Variants in RBM39 observed in about 807,000 individuals in gnomAD.
The protein encoded by RBM39 is RNA binding motif protein 39, also known as RNA-binding protein 39.
RBM39 carries 12 observed loss-of-function variants against 79.6 expected under a neutral mutation model. That is an observed-to-expected ratio of 0.15 (90% CI 0.10 to 0.24). The LOEUF is 0.24. Ranked by LOEUF, RBM39 falls within the 10% of genes least tolerant of loss-of-function variation. The probability of loss-of-function intolerance (pLI) is 1.00; values close to 1 mark genes in which losing one functional copy is unlikely to be tolerated. For missense variants in RBM39, 243 were observed against 653.4 expected (o/e 0.37, Z 6.85); for synonymous variants, 185 against 208.4 (o/e 0.89, Z 0.97).
intron 6 of RBM39, among the ~76,000 whole-genome samples, chr20:35,728,248 C>T (rs924391261): frequency 2.0e-5 from 3 of 152,116 alleles, no homozygotes; most frequent in Non-Finnish European, 4.4e-5. Context: ...GAGGCTATTT[C>T]AAATAACTCA....
chr20:35,724,484 G>A lies in RBM39; in HGVS notation c.687+86C>T, dbSNP rs2038408000. 23 of 1,262,992 alleles carry A rather than the reference G, an allele frequency of 1.8e-5. No individual in the cohort carries two copies. In the South Asian group the frequency reaches 4.1e-4, roughly 22 times the overall value. 78.2% of individuals were successfully genotyped at this position (1,262,992 alleles called of 1,614,324 possible). A position where few individuals can be genotyped will look rare whatever the true frequency, so the allele number is the denominator to read the frequency against. Reference sequence around the variant, plus strand: ...ATCCGACTCAACGTAATGAGCAGCAGTCACAGAACACAACAGCACTATACC... The same window carrying A: ...ATCCGACTCAACGTAATGAGCAGCAATCACAGAACACAACAGCACTATACC... On this transcript the variant is annotated intron_variant, in intron 8 of 16. Coordinates refer to ENST00000253363, the MANE Select transcript of RBM39 (RefSeq NM_184234.3).
intron 8 of RBM39, among the ~76,000 whole-genome samples, chr20:35,723,601 G>C (rs1008715688): frequency 2.0e-5 from 3 of 152,106 alleles, no homozygotes; most frequent in Non-Finnish European, 4.4e-5. Context: ...ACCATGCCCA[G>C]CTAATTTTTG....
chr20:35,721,935 C>A (rs2037987837), intron 8 of RBM39, 58 bp from the exon 9 acceptor site: 1 of 1,545,328 alleles, frequency 6.5e-7, no homozygotes, highest in African/African-American at 1.4e-5. Context: ...AAGACATACA[C>A]CTTCCATTTG....
intron 16 of RBM39, 26 bp from the exon 17 acceptor site, chr20:35,704,607 G>T (rs1307816938): frequency 2.5e-6 from 4 of 1,609,872 alleles, no homozygotes; most frequent in African/African-American, 2.7e-5. Context: ...GACATGTTGG[G>T]TTTAGCATCT....
Position 35,707,091 on chromosome 20 carries a change from A to C in RBM39, c.1307+29T>G, listed in dbSNP as rs776855602. On this transcript the variant is annotated intron_variant, in intron 14 of 16. Coordinates refer to ENST00000253363, the MANE Select transcript of RBM39 (RefSeq NM_184234.3). ...ACAACTCTATTGACGCCTTGATAGG[A>C]AATATCAAGAATAAAGTCCATTACT... 7.8e-6 allele frequency: 10 copies of C among 1,274,004 alleles called. No individual in the cohort carries two copies. In the East Asian group the frequency reaches 2.0e-4, roughly 25 times the overall value. 78.9% of individuals were successfully genotyped at this position (1,274,004 alleles called of 1,614,324 possible).
At chr20:35,736,670 G>T (rs570492119) in intron 3 of RBM39, 2 of 449,560 alleles carry the variant, frequency 4.4e-6, no homozygotes, top group Middle Eastern at 4.7e-4. Flanking sequence ...ATGTTTGTTT[G>T]AGACGGAGTC....
chr20:35,728,237 C>CAT (rs11472231), intron 6 of RBM39, among the ~76,000 whole-genome samples: 28,408 of 152,048 alleles, frequency 0.19, 3,049 homozygotes, highest in African/African-American at 0.31. Flanking sequence ...TACTTCTCCA[C>CAT]GAGGCTATTT....
At chr20:35,717,951 C>T (rs1164148134) in intron 9 of RBM39, among the ~76,000 whole-genome samples, 16 of 152,242 alleles carry the variant, frequency 1.1e-4, no homozygotes, top group Non-Finnish European at 5.9e-5. Flanking sequence ...CTCTGCCTCC[C>T]GGGTTCACAC....
intron 9 of RBM39, among the ~76,000 whole-genome samples, chr20:35,718,813 C>CAAAAAA (rs555136304): frequency 3.2e-4 from 12 of 37,838 alleles, no homozygotes; most frequent in South Asian, 1.0e-3. Context: ...TACTCCATCT[C>CAAAAAA]AAAAAAAAAA....
At chr20:35,719,219 AAG>A (rs1242311282) in intron 9 of RBM39, among the ~76,000 whole-genome samples, 1 of 152,060 alleles carries the variant, frequency 6.6e-6, no homozygotes, top group Non-Finnish European at 1.5e-5. Flanking sequence ...TTTAGTAGAG[AAG>A]AGGTTTCACC....
intron 3 of RBM39, chr20:35,734,050 A>G (rs2039653575): frequency 3.7e-6 from 1 of 270,074 alleles, no homozygotes; most frequent in Admixed American, 4.7e-5. Flanking sequence ...ATTCTGTATC[A>G]TTATCTGGAT....
At position 35,708,341 on chromosome 20, in the gene RBM39, A is replaced by C. The variant is rs114524385; in HGVS notation, c.1225+883T>G. 9.1e-3 allele frequency among the ~76,000 whole-genome samples: 1,384 copies of C among 152,210 alleles called. 24 individuals are homozygous for C. The highest frequency in any genetic ancestry group is 0.032 in the African/African-American group (1,326 of 41,556). On this transcript the variant is annotated intron_variant, in intron 13 of 16. Coordinates refer to ENST00000253363, the MANE Select transcript of RBM39 (RefSeq NM_184234.3). ...AAACTAGAAAGTCTAAACAGAACTG[A>C]GGAAGACTTGATTCTTCCAGTTTCT...
At chr20:35,721,600 TCA>T (rs2037949503) in intron 9 of RBM39, 138 bp downstream of exon 9, 1 of 910,226 alleles carries the variant, frequency 1.1e-6, no homozygotes, top group Non-Finnish European at 1.6e-6. Flanking sequence ...ATCTATGTTG[TCA>T]CAGAAATTTT....
At chr20:35,724,973 T>C in intron 7 of RBM39, 65 bp downstream of exon 7, 1 of 1,183,640 alleles carries the variant, frequency 8.4e-7, no homozygotes, top group Non-Finnish European at 1.2e-6. Context: ...ATGAAGTATT[T>C]GATGTTTACA....
intron 13 of RBM39, chr20:35,707,863 A>G: frequency 2.2e-6 from 1 of 463,626 alleles, no homozygotes. Flanking sequence ...AAGTTTAAAG[A>G]GCATTTTCCA....
At chr20:35,737,971 CG>C (rs1283487025) in intron 3 of RBM39, among the ~76,000 whole-genome samples, 2 of 150,872 alleles carry the variant, frequency 1.3e-5, no homozygotes, top group East Asian at 3.9e-4. Flanking sequence ...CTGGCTAACA[CG>C]GTGAAACTCC....
At chr20:35,727,182 CA>C (rs57007891) in intron 6 of RBM39, among the ~76,000 whole-genome samples, 27,991 of 145,992 alleles carry the variant, frequency 0.19, 2,991 homozygotes, top group African/African-American at 0.31. Context: ...CTTGTCTCTA[CA>C]AAAAAAAAAT....
Position 35,702,172 on chromosome 20 carries a change from C to T in RBM39, c.*2309G>A, listed in dbSNP as rs1251515629. On this transcript the variant is annotated 3_prime_UTR_variant, in exon 17 of 17. Transcript: ENST00000253363. ...CATTGCCCATTAAGCATTTCTTAAA[C>T]AGAACTTTCAAAGATGGTAGTAATT... The T allele has an allele frequency of 6.6e-6, 1 of 152,162 alleles. No homozygotes were observed. The highest frequency in any genetic ancestry group is 1.5e-5 in the Non-Finnish European group (1 of 68,034). 9.4% of individuals were successfully genotyped at this position (152,162 alleles called of 1,614,324 possible). A position where few individuals can be genotyped will look rare whatever the true frequency, so the allele number is the denominator to read the frequency against.
intron 3 of RBM39, chr20:35,735,148 T>C (rs2039774474): frequency 5.7e-6 from 8 of 1,405,000 alleles, no homozygotes; most frequent in East Asian, 2.6e-5. Context: ...CACACCACAG[T>C]AGCCAATATA....
Sources: gnomAD v4.1 joint callset for allele counts (sites outside exome capture counted in the v4.1 genomes callset) on GRCh38, gnomAD v4.1.1 for gene constraint, MANE v1.5 for transcripts, NCBI Gene and HGNC (gene_info 2026-07-23, HGNC 2026-07-21) for gene names.